ABCC4: variants seen among roughly 807,000 people sequenced by gnomAD.
ABCC4 encodes the protein ATP-binding cassette sub-family C member 4.
A neutral mutation model predicts 168.5 loss-of-function variants in ABCC4; 102 were observed. The ratio of observed to expected loss-of-function variants is 0.61; its 90% CI spans 0.52 to 0.71. The LOEUF is 0.71. Ranked by LOEUF, ABCC4 falls within the 30% of genes least tolerant of loss-of-function variation. ABCC4 has a pLI of 0.00. For synonymous variants in ABCC4, 617 were observed against 590.7 expected, an observed-to-expected ratio of 1.04 and a Z score of -0.65; for missense variants, 1,402 against 1,605.8, an observed-to-expected ratio of 0.87 and a Z score of 2.17.
rs781458039 is a variant in ABCC4, at chr13:95,177,796, A to G, written c.1641-3T>C. 6.2e-7 allele frequency: 1 copy of G among 1,606,974 alleles called. No homozygotes were observed. Among genetic ancestry groups the G allele is most frequent in the Non-Finnish European group, 8.5e-7 (1 of 1,174,398 alleles). The stretch of plus-strand genomic sequence containing the variant: ...TGTCAGCATCTTGATACACTGCTCT[A>G]GAAAATACAAAGAGGTATCAGACTC... On this transcript the variant is annotated splice_region_variant and splice_polypyrimidine_tract_variant and intron_variant, in intron 12 of 30. Coordinates refer to ENST00000645237, the MANE Select transcript of ABCC4 (RefSeq NM_005845.5).
intron 20 of ABCC4, among the ~76,000 whole-genome samples, chr13:95,089,741 C>T (rs1190360394): frequency 3.3e-5 from 5 of 152,036 alleles, no homozygotes; most frequent in Admixed American, 6.6e-5. Flanking sequence ...ATCAGGTTAA[C>T]GAAACAGGAA....
chr13:95,189,220 G>A (rs1419551861), intron 9 of ABCC4, among the ~76,000 whole-genome samples: 3 of 127,904 alleles, frequency 2.3e-5, no homozygotes, highest in African/African-American at 6.0e-5. Context: ...TGCAAGCTCC[G>A]CCTTCCGGGT....
intron 8 of ABCC4, among the ~76,000 whole-genome samples, chr13:95,200,809 C>T (rs1357431867): frequency 6.6e-6 from 1 of 152,178 alleles, no homozygotes; most frequent in Non-Finnish European, 1.5e-5. Context: ...TAGTTTTAAT[C>T]AGTGCATCAG....
At chr13:95,245,217 G>A (rs1262214859) in intron 3 of ABCC4, among the ~76,000 whole-genome samples, 1 of 152,172 alleles carries the variant, frequency 6.6e-6, no homozygotes, top group African/African-American at 2.4e-5. Flanking sequence ...AAATCATCCT[G>A]TTTTCAATTT....
intron 8 of ABCC4, among the ~76,000 whole-genome samples, chr13:95,202,684 T>C (rs1342336499): frequency 7.1e-6 from 1 of 141,268 alleles, no homozygotes; most frequent in Admixed American, 7.3e-5. Context: ...GAGTCTCCTC[T>C]GTCACCCAGG....
intron 25 of ABCC4, among the ~76,000 whole-genome samples, chr13:95,068,901 T>C (rs1404312360): frequency 2.0e-5 from 3 of 152,224 alleles, no homozygotes; most frequent in Non-Finnish European, 4.4e-5. Context: ...CCTGGCCCCA[T>C]CAGGAACAGA....
chr13:95,252,459 T>C (rs1250394392), intron 1 of ABCC4, among the ~76,000 whole-genome samples: 1 of 152,164 alleles, frequency 6.6e-6, no homozygotes, highest in Non-Finnish European at 1.5e-5. Flanking sequence ...GTGGATTGCC[T>C]GAGGTCAGCA....
intron 20 of ABCC4, among the ~76,000 whole-genome samples, chr13:95,098,800 A>G (rs908490930): frequency 2.6e-5 from 4 of 152,224 alleles, no homozygotes; most frequent in African/African-American, 9.6e-5. Context: ...AAAGCTCAAT[A>G]TTAATCATCA....
chr13:95,265,827 T>C (rs879156777), intron 1 of ABCC4, among the ~76,000 whole-genome samples: 3 of 152,054 alleles, frequency 2.0e-5, no homozygotes, highest in Admixed American at 2.0e-4. Context: ...TGAAAATATG[T>C]CTTAGCATGA....
chr13:95,239,686 G>C (rs925837404), intron 3 of ABCC4, among the ~76,000 whole-genome samples: 2 of 152,004 alleles, frequency 1.3e-5, no homozygotes, highest in Non-Finnish European at 2.9e-5. Context: ...AAAATATACA[G>C]AACAAGCAAT....
rs575198796 is a variant in ABCC4 at position 95,051,231 on chromosome 13, A to G, written c.3456+1864T>C. ...GGGTGTGTAAGGACTCGGCAATGAC[A>G]TGCCTTCAGAAACAAGAATTACTGG... On this transcript the variant is annotated intron_variant, in intron 27 of 30. Transcript: ENST00000645237. Among the ~76,000 whole-genome samples, 5 of 152,356 alleles carry G rather than the reference A, an allele frequency of 3.3e-5. No homozygotes were observed. In the East Asian group the frequency reaches 9.6e-4, roughly 29 times the overall value.
intron 19 of ABCC4, among the ~76,000 whole-genome samples, chr13:95,142,672 T>C (rs1168450191): frequency 6.6e-6 from 1 of 152,132 alleles, no homozygotes; most frequent in East Asian, 1.9e-4. Flanking sequence ...ACTTAAGTTT[T>C]AGAACAAAGA....
intron 4 of ABCC4, among the ~76,000 whole-genome samples, chr13:95,220,215 T>A (rs2039276194): frequency 1.3e-5 from 2 of 152,070 alleles, no homozygotes; most frequent in Non-Finnish European, 2.9e-5. Context: ...AGAAATGTGT[T>A]TATAATGTAT....
At chr13:95,199,721 G>GTA (rs2038569607) in intron 8 of ABCC4, among the ~76,000 whole-genome samples, 1 of 152,046 alleles carries the variant, frequency 6.6e-6, no homozygotes, top group African/African-American at 2.4e-5. Context: ...GCCTCCTGAC[G>GTA]TATCTCCCTG....
At position 95,034,628 on chromosome 13, in the gene ABCC4, C is replaced by T; in HGVS notation, c.3847G>A (p.Ala1283Thr). 6.2e-7 allele frequency: 1 copy of T among 1,614,106 alleles called. No homozygotes were observed. Among genetic ancestry groups the T allele is most frequent in the Non-Finnish European group, 8.5e-7 (1 of 1,180,036 alleles). Residue 1283 changes from alanine to threonine, a missense_variant, in exon 30 of 31, where the codon GCC (alanine) becomes ACC (threonine). This residue lies in a region of ABCC4 where 1,007 missense variants were observed against 1,127.3 expected (regional missense o/e 0.89). Transcript: ENST00000645237. ...VQQLGKAEAAALTETAKQVYF... is the reference protein window; with the variant it reads ...VQQLGKAEAATLTETAKQVYF... The stretch of plus-strand genomic sequence containing the variant: ...ACCTGTTTTGCTGTTTCAGTGAGGG[C>T]AGCGGCTTCTGCCTTGCCCAGTTGT...
rs1246815789 is a variant in ABCC4, at chr13:95,166,218, C to T, written c.1974G>A (p.Ser658=). Residue 658 remains serine (S), a synonymous_variant, in exon 15 of 31, where the codon TCG becomes TCA. Transcript: ENST00000645237. ...GTCTAGAAGATTGTTGAGACCAAAC[C>T]GAAGACTCTGAGAAGGTACGATTCC... ...TLRNRTFSES[S]VWSQQSSRPS... 1.6e-5 allele frequency: 26 copies of T among 1,613,982 alleles called. No individual in the cohort carries two copies. The highest frequency in any genetic ancestry group is 2.2e-5 in the East Asian group (1 of 44,876).
chr13:95,196,694 AAGGAAGGAAGGAAGGAAGGAAGGAAGG>A, intron 8 of ABCC4, among the ~76,000 whole-genome samples: 1 of 80,854 alleles, frequency 1.2e-5, no homozygotes, highest in African/African-American at 4.0e-5. Flanking sequence ...GGAAGGAAGG[AAGGAAGGAAGGAAGGAAGGAAGGAAGG>A]AAGGAAGGAA....
intron 14 of ABCC4, among the ~76,000 whole-genome samples, chr13:95,168,495 A>G (rs1046768936): frequency 1.3e-5 from 2 of 152,228 alleles, no homozygotes; most frequent in Non-Finnish European, 2.9e-5. Flanking sequence ...CTTTGCTATC[A>G]TTATATACCC....
At chr13:95,032,909 G>A (rs557033454) in intron 30 of ABCC4, among the ~76,000 whole-genome samples, 4 of 148,524 alleles carry the variant, frequency 2.7e-5, no homozygotes, top group East Asian at 2.0e-4. Context: ...TGATCCACCC[G>A]CCTCGGCCTC....
Sources: gnomAD v4.1 joint callset for allele counts (sites outside exome capture counted in the v4.1 genomes callset) on GRCh38, gnomAD v4.1.1 for gene constraint, gnomAD v4.1.1 regional missense constraint, MANE v1.5 for transcripts, NCBI Gene and HGNC (gene_info 2026-07-23, HGNC 2026-07-21) for gene names.